Variants in PCDHGA3 observed in about 807,000 individuals in gnomAD.
The protein encoded by PCDHGA3 is protocadherin gamma-A3.
Under a neutral mutation model 58.5 loss-of-function variants are expected in PCDHGA3, and 40 were observed. The observed-to-expected ratio is 0.68, with a 90% CI of 0.53 to 0.89. PCDHGA3 has a LOEUF of 0.89. Among genes scored for constraint, PCDHGA3 ranks in the 40% least tolerant of loss-of-function variants. The pLI is 0.00. For missense variants in PCDHGA3, 1,223 were observed against 1,195.9 expected (o/e 1.02, Z -0.33); for synonymous variants, 530 against 525.7 (o/e 1.01, Z -0.11).
chr5:141,478,101 T>G, intron 1 of PCDHGA3: 1 of 1,614,018 alleles, frequency 6.2e-7, no homozygotes, highest in Middle Eastern at 1.6e-4. Flanking sequence ...ACTGCTACCC[T>G]CACTGTGTCA....
Position 141,461,919 on chromosome 5 carries a change from G to T in PCDHGA3, c.2425-32888G>T, listed in dbSNP as rs10060711. On this transcript the variant is annotated intron_variant, in intron 1 of 3. Transcript: ENST00000253812. Reference sequence around the variant, plus strand: ...GCTCACTGCAACCTCTGCCTCCTGGGTTCCAGCAATTCTCCTGCCTCAACC... The same window carrying T: ...GCTCACTGCAACCTCTGCCTCCTGGTTTCCAGCAATTCTCCTGCCTCAACC... 5.4e-3 allele frequency among the ~76,000 whole-genome samples: 815 copies of T among 152,214 alleles called. 11 individuals are homozygous for T. Among genetic ancestry groups the T allele is most frequent in the African/African-American group, 0.019 (780 of 41,542 alleles).
chr5:141,388,630 T>C (rs754073337), intron 1 of PCDHGA3: 1 of 1,613,816 alleles, frequency 6.2e-7, no homozygotes, highest in Non-Finnish European at 8.5e-7. Flanking sequence ...GTATACAGGG[T>C]GAGCCTTTCA....
At chr5:141,410,847 G>GTATTT in intron 1 of PCDHGA3, 1 of 158,252 alleles carries the variant, frequency 6.3e-6, no homozygotes. Flanking sequence ...TTTTGTCTTT[G>GTATTT]TCTTTTTTTT....
intron 1 of PCDHGA3, among the ~76,000 whole-genome samples, chr5:141,381,404 T>A (rs78789599): frequency 5.8e-4 from 89 of 152,360 alleles, no homozygotes; most frequent in African/African-American, 2.0e-3. Context: ...TCTATCAACA[T>A]CAGTGGAGAG....
intron 1 of PCDHGA3, chr5:141,415,814 T>G: frequency 7.5e-7 from 1 of 1,330,430 alleles, no homozygotes; most frequent in South Asian, 1.8e-5. Flanking sequence ...AAGGCCTATA[T>G]ATCATAAGGC....
At chr5:141,366,614 G>A in intron 1 of PCDHGA3, 10 of 1,614,248 alleles carry the variant, frequency 6.2e-6, no homozygotes, top group Non-Finnish European at 7.6e-6. Flanking sequence ...CCTCACCGCG[G>A]ACTCGAGGAA....
At chr5:141,374,796 A>G (rs1422023332) in intron 1 of PCDHGA3, 5 of 1,613,974 alleles carry the variant, frequency 3.1e-6, no homozygotes, top group Non-Finnish European at 3.4e-6. Context: ...GTGAATGACA[A>G]CACTCCAATG....
chr5:141,509,435 T>C (rs547082417), intron 3 of PCDHGA3, among the ~76,000 whole-genome samples: 1 of 152,214 alleles, frequency 6.6e-6, no homozygotes, highest in South Asian at 2.1e-4. Context: ...AAACTCTTGT[T>C]TCCTCCTCTC....
chr5:141,393,586 G>A lies in PCDHGA3; in HGVS notation c.2424+47129G>A, dbSNP rs1486061309. 2 of 1,613,922 alleles carry A rather than the reference G, an allele frequency of 1.2e-6. No individual in the cohort carries two copies. Among genetic ancestry groups the A allele is most frequent in the Admixed American group, 3.3e-5 (2 of 60,028 alleles). ...AAAGTCCTTGAGAACATGCCCCCAGGCACGCGGCTGCTTACTGTAACAGCC... is the reference window on the plus strand; with the variant it reads ...AAAGTCCTTGAGAACATGCCCCCAGACACGCGGCTGCTTACTGTAACAGCC... On this transcript the variant is annotated intron_variant, in intron 1 of 3. Transcript: ENST00000253812.
chr5:141,388,496 G>A (rs1296141749), intron 1 of PCDHGA3: 9 of 1,613,710 alleles, frequency 5.6e-6, no homozygotes, highest in South Asian at 4.4e-5. Context: ...ACAGAGAAAA[G>A]CAGAAATCCT....
chr5:141,374,658 C>T (rs760635815), intron 1 of PCDHGA3: 1 of 1,611,764 alleles, frequency 6.2e-7, no homozygotes, highest in Non-Finnish European at 8.5e-7. Flanking sequence ...CCCAAGTACC[C>T]GGAGCTGGTG....
chr5:141,410,068 C>T (rs2095353806), intron 1 of PCDHGA3: 1 of 1,612,832 alleles, frequency 6.2e-7, no homozygotes, highest in Non-Finnish European at 8.5e-7. Context: ...TGGGGCTGCG[C>T]ACTGGGGAGG....
At position 141,491,099 on chromosome 5, in the gene PCDHGA3, T is replaced by C. The variant is rs1352561414; in HGVS notation, c.2425-3708T>C. 1 of 1,614,176 alleles carries C rather than the reference T, an allele frequency of 6.2e-7. No homozygotes were observed. ...CAGTCCACAGCCCCAGGACTGTTCC[T>C]CGTGTCTACACACACTGGTGAGGTG... On this transcript the variant is annotated intron_variant, in intron 1 of 3. Coordinates refer to ENST00000253812, the MANE Select transcript of PCDHGA3 (RefSeq NM_018916.4). The surrounding 1 kb of genome is among the most constrained non-coding windows in gnomAD (Gnocchi z 6.9).
At chr5:141,357,464 A>G (rs1433151556) in intron 1 of PCDHGA3, 1 of 1,614,044 alleles carries the variant, frequency 6.2e-7, no homozygotes, top group Non-Finnish European at 8.5e-7. Flanking sequence ...ACCTATTCCC[A>G]CGAGGTCTCC....
In PCDHGA3 at chr5:141,487,917, CTACAGTGCACAGGG is replaced by C; in HGVS notation, c.2425-6879_2425-6866del. On this transcript the variant is annotated intron_variant, in intron 1 of 3. Coordinates refer to ENST00000253812, the MANE Select transcript of PCDHGA3 (RefSeq NM_018916.4). The surrounding 1 kb of genome is among the most constrained non-coding windows in gnomAD (Gnocchi z 5.0). ...TGATGGAATGTGGGAGCACAGGAGG[CTACAGTGCACAGGG>C]TACAGTGCACCAGGCAGTCACTTGG... 1 of 647,994 alleles carries C rather than the reference CTACAGTGCACAGGG, an allele frequency of 1.5e-6. No homozygotes were observed. The highest frequency in any genetic ancestry group is 2.7e-6 in the Non-Finnish European group (1 of 377,182). 40.1% of individuals were successfully genotyped at this position (647,994 alleles called of 1,614,324 possible).
chr5:141,423,494 A>C lies in PCDHGA3; in HGVS notation c.2425-71313A>C, dbSNP rs753859784. ...CAGGCTTTCCTGCAAACCTATTCCCACGAGGTCTCTCTCATTGCGGACTCG... is the reference window on the plus strand; with the variant it reads ...CAGGCTTTCCTGCAAACCTATTCCCCCGAGGTCTCTCTCATTGCGGACTCG... On this transcript the variant is annotated intron_variant, in intron 1 of 3. Transcript: ENST00000253812. The C allele has an allele frequency of 3.8e-5, 61 of 1,613,842 alleles. No individual in the cohort carries two copies. The highest frequency in any genetic ancestry group is 5.9e-6 in the Non-Finnish European group (7 of 1,179,940).
chr5:141,365,402 G>A (rs1437859206), intron 1 of PCDHGA3: 2 of 1,613,998 alleles, frequency 1.2e-6, no homozygotes, highest in South Asian at 2.2e-5. Context: ...TTCGATCTCT[G>A]AAGACTGTCT....
chr5:141,385,181 C>T (rs201394036), intron 1 of PCDHGA3: 5 of 1,614,202 alleles, frequency 3.1e-6, no homozygotes, highest in Non-Finnish European at 3.4e-6. Flanking sequence ...TCCCTCACCG[C>T]GGACTCTCGG....
At chr5:141,393,301 G>A (rs1398078406) in intron 1 of PCDHGA3, 2 of 1,613,768 alleles carry the variant, frequency 1.2e-6, no homozygotes, top group Non-Finnish European at 1.7e-6. Context: ...CCGGATGTGG[G>A]CGTGAACTCC....
Sources: allele counts gnomAD v4.1 joint callset (sites outside exome capture counted in the v4.1 genomes callset), GRCh38; gene constraint gnomAD v4.1.1; non-coding constraint Gnocchi (gnomAD v3.1); transcripts MANE v1.5; gene names NCBI Gene and HGNC (gene_info 2026-07-23, HGNC 2026-07-21).